The following DHRS12 variants were observed in gnomAD, a reference collection of about 807,000 sequenced individuals.
DHRS12 encodes dehydrogenase/reductase 12.
In DHRS12, 29 loss-of-function variants were observed where a neutral mutation model predicts 32.1. The ratio of observed to expected loss-of-function variants is 0.90; its 90% confidence interval spans 0.67 to 1.23. The LOEUF is 1.23. Ranked by LOEUF, DHRS12 falls within the 50% of genes most tolerant of loss-of-function variation. The pLI, the probability that DHRS12 is intolerant of heterozygous loss-of-function variation, is 0.00. For synonymous variants in DHRS12, 150 were observed against 135.9 expected, an observed-to-expected ratio of 1.10 and a Z score of -0.72; for missense variants, 330 against 337.2, an observed-to-expected ratio of 0.98 and a Z score of 0.17.
the DHRS12 span, chr13:51,756,312 AT>A: frequency 6.2e-7 from 1 of 1,608,534 alleles, no homozygotes; most frequent in East Asian, 2.2e-5. Context: ...ATGAGTATCT[AT>A]TTTATCTCCC....
At chr13:51,774,182 C>G (rs899812121) in intron 5 of DHRS12, 148 bp from the exon 6 acceptor site, 25 of 639,860 alleles carry the variant, frequency 3.9e-5, no homozygotes, top group Non-Finnish European at 5.3e-5. Flanking sequence ...CTACAGTATT[C>G]TCCTACAGTA....
rs890361069 is a variant in DHRS12, at chr13:51,787,872, T to C, written c.301+2139A>G. 3.0e-5 allele frequency among the ~76,000 whole-genome samples: 4 copies of C among 131,296 alleles called. No individual in the cohort carries two copies. In the South Asian group the frequency reaches 6.5e-4, roughly 21 times the overall value. The allele number at this position is 131,296 out of a possible 152,430, so 86.1% of individuals were successfully genotyped here. ...TATAATTATATATAATATATAAATA[T>C]ATAATTATATATAATATATAAATAT... On this transcript the variant is annotated intron_variant, in intron 4 of 8. Transcript: ENST00000444610.
intron 5 of DHRS12, 73 bp from the exon 6 acceptor site, chr13:51,774,107 G>A: frequency 1.4e-6 from 2 of 1,420,036 alleles, no homozygotes; most frequent in South Asian, 1.2e-5. Flanking sequence ...CTGTAGAGCA[G>A]TGCTTCTTGC....
chr13:51,768,100 G>C lies in DHRS12; in HGVS notation c.*87C>G. ...ACAACGTCTTCGAGGGGAAGTTGAA[G>C]TGGGGTCTTCTTATTCACTGGTCCC... On this transcript the variant is annotated 3_prime_UTR_variant, in exon 9 of 9. Coordinates refer to ENST00000444610, the MANE Select transcript of DHRS12 (RefSeq NM_001377533.1). 1.3e-6 allele frequency: 2 copies of C among 1,505,590 alleles called. No individual in the cohort carries two copies. Among genetic ancestry groups the C allele is most frequent in the Non-Finnish European group, 1.8e-6 (2 of 1,132,256 alleles). The allele number at this position is 1,505,590 out of a possible 1,614,324, so 93.3% of individuals were successfully genotyped here.
rs548261277 is a variant in DHRS12 at position 51,768,420 on chromosome 13, C to G, written c.698-124G>C. ...GTGGCAGCACCCTACAGCTGTTAGA[C>G]CCCCATCCCTGCTGTCAAAGGTCCC... is the stretch of plus-strand genomic sequence containing the variant. On this transcript the variant is annotated intron_variant, in intron 8 of 8. Coordinates refer to ENST00000444610, the MANE Select transcript of DHRS12 (RefSeq NM_001377533.1). The G allele has an allele frequency of 7.5e-6, 11 of 1,471,012 alleles. No individual in the cohort carries two copies. In the African/African-American group the frequency reaches 1.4e-4, roughly 19 times the overall value. The allele number at this position is 1,471,012 out of a possible 1,614,324, so 91.1% of individuals were successfully genotyped here.
chr13:51,797,863 T>C (rs1955579475), intron 2 of DHRS12: 1 of 1,535,666 alleles, frequency 6.5e-7, no homozygotes, highest in Non-Finnish European at 8.7e-7. Flanking sequence ...ACCCCTGGCA[T>C]CTTCTGCTGG....
the DHRS12 span, chr13:51,755,307 A>G: frequency 1.9e-6 from 3 of 1,574,208 alleles, no homozygotes; most frequent in Non-Finnish European, 2.6e-6. Flanking sequence ...AGTGGTTTCC[A>G]TTGTCCTGAC....
intron 4 of DHRS12, chr13:51,789,683 C>A (rs1165959503): frequency 4.1e-6 from 4 of 985,416 alleles, no homozygotes; most frequent in Non-Finnish European, 4.8e-6. Flanking sequence ...GCTGGAAGTT[C>A]CTTTGGTTGC....
At chr13:51,798,737 G>A (rs1955620256) in intron 2 of DHRS12, among the ~76,000 whole-genome samples, 1 of 152,190 alleles carries the variant, frequency 6.6e-6, no homozygotes, top group East Asian at 1.9e-4. Flanking sequence ...GAGGAAAAAA[G>A]AAAACATCTT....
chr13:51,779,900 G>A (rs1236651815), intron 4 of DHRS12, among the ~76,000 whole-genome samples: 1 of 152,118 alleles, frequency 6.6e-6, no homozygotes, highest in Non-Finnish European at 1.5e-5. Context: ...ATGTCTCCTG[G>A]GCGTGGTGGC....
intron 6 of DHRS12, chr13:51,772,774 C>CA (rs1313508944): frequency 1.0e-6 from 1 of 985,346 alleles, no homozygotes; most frequent in Non-Finnish European, 1.2e-6. Context: ...GCCTCATTTA[C>CA]AAGTGGATGG....
chr13:51,792,398 TTTG>T (rs1377256189), intron 2 of DHRS12, among the ~76,000 whole-genome samples: 1 of 152,128 alleles, frequency 6.6e-6, no homozygotes, highest in Admixed American at 6.5e-5. Context: ...TTGTTTTTTG[TTTG>T]TTTTTTCTTG....
chr13:51,765,646 C>T (rs1167981108), downstream of DHRS12: 1 of 152,198 alleles, frequency 6.6e-6, no homozygotes, highest in Admixed American at 6.5e-5. Context: ...CCTTGGATAA[C>T]GGAGAGCCTA....
intron 4 of DHRS12, chr13:51,789,766 A>G: frequency 1.0e-6 from 1 of 985,460 alleles, no homozygotes; most frequent in Non-Finnish European, 1.2e-6. Flanking sequence ...TAAACAGCCT[A>G]GCGCTTCCTA....
rs776447876 is a variant in DHRS12 at position 51,797,857 on chromosome 13, CT to C, written c.126+1676del. The C allele has an allele frequency of 2.9e-5, 45 of 1,535,650 alleles. 2 individuals carry two copies. In the South Asian group the frequency reaches 4.0e-4, roughly 14 times the overall value. On this transcript the variant is annotated intron_variant, in intron 2 of 8. Coordinates refer to ENST00000444610, the MANE Select transcript of DHRS12 (RefSeq NM_001377533.1). ...ACCGCTCTCCCGGATGATCTCACCC[CT>C]GGCATCTTCTGCTGGGGCTTGATCT...
chr13:51,762,936 A>G, the DHRS12 span: 7 of 152,238 alleles, frequency 4.6e-5, no homozygotes, highest in African/African-American at 1.7e-4. Flanking sequence ...GTATCTTCAC[A>G]ATAGCAAAAT....
chr13:51,755,327 C>G, the DHRS12 span: 2 of 1,608,610 alleles, frequency 1.2e-6, no homozygotes, highest in Non-Finnish European at 1.7e-6. Flanking sequence ...CTGCTGGCCA[C>G]AGTGACCTGT....
chr13:51,756,310 C>T, the DHRS12 span: 1 of 1,606,766 alleles, frequency 6.2e-7, no homozygotes, highest in Admixed American at 1.7e-5. Context: ...TGATGAGTAT[C>T]TATTTTATCT....
the DHRS12 span, chr13:51,756,253 C>T: frequency 6.5e-7 from 1 of 1,538,950 alleles, no homozygotes; most frequent in South Asian, 1.3e-5. Flanking sequence ...TTACACCTCT[C>T]TGCCAGGAGG....
Sources: allele counts gnomAD v4.1 joint callset (sites outside exome capture counted in the v4.1 genomes callset), GRCh38; gene constraint gnomAD v4.1.1; transcripts MANE v1.5; gene names NCBI Gene and HGNC (gene_info 2026-07-23, HGNC 2026-07-21).